Variants in VEGFD observed in about 807,000 individuals in gnomAD.
VEGFD encodes the protein vascular endothelial growth factor D, also known as c-fos induced growth factor (vascular endothelial growth factor D).
In VEGFD, 26 loss-of-function variants were observed where a neutral mutation model predicts 28.0. That is an observed-to-expected ratio of 0.93 (90% CI 0.68 to 1.29). The LOEUF is 1.29. VEGFD is among the 50% of genes most tolerant of loss of function. The pLI is 0.00. For synonymous variants in VEGFD, 93 were observed against 95.5 expected, an observed-to-expected ratio of 0.97 and a Z score of 0.15; for missense variants, 294 against 273.4, an observed-to-expected ratio of 1.08 and a Z score of -0.53.
intron 1 of VEGFD, among the ~76,000 whole-genome samples, chrX:15,381,122 G>C (rs1207071143): frequency 1.8e-5 from 2 of 112,010 alleles, no homozygotes; most frequent in African/African-American, 3.2e-5. Context: ...CAGTTCACAT[G>C]TTCCATGCAC....
chrX:15,361,620 G>A (rs1178087482), intron 2 of VEGFD, among the ~76,000 whole-genome samples: 3 of 111,525 alleles, frequency 2.7e-5, no homozygotes, highest in Non-Finnish European at 5.6e-5. Context: ...AAATAGTTTT[G>A]GCCTAGTGGT....
intron 1 of VEGFD, among the ~76,000 whole-genome samples, chrX:15,375,033 T>C (rs963379557): frequency 9.0e-6 from 1 of 111,404 alleles, no homozygotes; most frequent in African/African-American, 3.3e-5. Flanking sequence ...CTTAGGTGTG[T>C]CCTATGTGTT....
At chrX:15,350,921 G>A (rs1210512447) in intron 5 of VEGFD, among the ~76,000 whole-genome samples, 1 of 103,598 alleles carries the variant, frequency 9.7e-6, no homozygotes, top group Non-Finnish European at 2.0e-5. Flanking sequence ...GAGTGCGGTG[G>A]CATGACCTCG....
intron 1 of VEGFD, among the ~76,000 whole-genome samples, chrX:15,367,615 T>C (rs1471845422): frequency 9.0e-6 from 1 of 111,331 alleles, no homozygotes; most frequent in African/African-American, 3.3e-5. Context: ...AGTTGAAGCA[T>C]ATTGAAAGGA....
At chrX:15,362,382 TA>T (rs1223573850) in intron 2 of VEGFD, among the ~76,000 whole-genome samples, 11 of 104,652 alleles carry the variant, frequency 1.1e-4, no homozygotes, top group South Asian at 4.1e-4. Flanking sequence ...TTTGCAGAAA[TA>T]AAAAAAAAAG....
chrX:15,378,614 T>C (rs780517690), intron 1 of VEGFD, among the ~76,000 whole-genome samples: 3 of 111,713 alleles, frequency 2.7e-5, no homozygotes, highest in East Asian at 5.6e-4. Context: ...AATAAATGTA[T>C]ACACAGGCAA....
At chrX:15,364,344 T>C (rs1023639711) in intron 1 of VEGFD, among the ~76,000 whole-genome samples, 1 of 111,689 alleles carries the variant, frequency 9.0e-6, no homozygotes, top group Non-Finnish European at 1.9e-5. Context: ...TTGCATGAAC[T>C]GTATTGGCGG....
In VEGFD at chrX:15,376,828, G is replaced by GT. The variant is rs761647697; in HGVS notation, c.90+7028dup. 4.2e-4 allele frequency among the ~76,000 whole-genome samples: 47 copies of GT among 110,858 alleles called. No individual in the cohort carries two copies. In the South Asian group the frequency reaches 0.012, roughly 29 times the overall value. ...TTTTTGTGAGTTTCTTATTTAGGGTGTTTTTTTTAGCATATTCATTCAATC... is the reference window on the plus strand; with the variant it reads ...TTTTTGTGAGTTTCTTATTTAGGGTGTTTTTTTTTAGCATATTCATTCAATC... On this transcript the variant is annotated intron_variant, in intron 1 of 6. Coordinates refer to ENST00000297904, the MANE Select transcript of VEGFD (RefSeq NM_004469.5).
At chrX:15,377,730 G>A (rs1240692624) in intron 1 of VEGFD, among the ~76,000 whole-genome samples, 1 of 111,619 alleles carries the variant, frequency 9.0e-6, no homozygotes, top group East Asian at 2.8e-4. Context: ...GAAGTAATAT[G>A]TGTCACTTCT....
intron 1 of VEGFD, among the ~76,000 whole-genome samples, chrX:15,372,891 C>T (rs896778531): frequency 1.8e-5 from 2 of 111,636 alleles, no homozygotes; most frequent in African/African-American, 6.5e-5. Flanking sequence ...AGATACCTGA[C>T]CATTTGCAGG....
At chrX:15,357,898 G>A (rs1922905960) in intron 3 of VEGFD, 105 bp downstream of exon 3, 1 of 663,271 alleles carries the variant, frequency 1.5e-6, no homozygotes, top group Non-Finnish European at 2.3e-6. Flanking sequence ...ATGCGATTAT[G>A]CACATAAAGC....
chrX:15,380,756 G>C (rs1923550409), intron 1 of VEGFD, among the ~76,000 whole-genome samples: 1 of 112,748 alleles, frequency 8.9e-6, no homozygotes, highest in African/African-American at 3.2e-5. Context: ...AATGAGAGAA[G>C]AGTGAGGATG....
intron 2 of VEGFD, among the ~76,000 whole-genome samples, chrX:15,362,339 T>C (rs1242026257): frequency 1.8e-5 from 2 of 111,800 alleles, no homozygotes; most frequent in African/African-American, 3.2e-5. Context: ...TGTCTAACTT[T>C]TACTTTTCAC....
rs925926209 is a variant in VEGFD, at chrX:15,346,063, A to G, written c.*70T>C. On this transcript the variant is annotated 3_prime_UTR_variant, in exon 7 of 7. Coordinates refer to ENST00000297904, the MANE Select transcript of VEGFD (RefSeq NM_004469.5). ...TTTTTTTTTAACACCTGGGAAAAAA[A>G]CAGTGACAGCAACTTGGCAAAGCAG... The G allele has an allele frequency of 1.8e-5, 21 of 1,144,100 alleles. No homozygotes were observed. The African/African-American group carries it at 2.4e-4, about 13-fold the overall frequency. The allele number at this position is 1,144,100 out of a possible 1,213,427, so 94.3% of individuals were successfully genotyped here.
At chrX:15,367,047 G>A (rs1049253823) in intron 1 of VEGFD, among the ~76,000 whole-genome samples, 2 of 111,997 alleles carry the variant, frequency 1.8e-5, no homozygotes, top group African/African-American at 3.3e-5. Context: ...TTATAAGCTG[G>A]GGGAAAGAGG....
Position 15,358,190 on chromosome X carries a change from A to C in VEGFD, c.305T>G (p.Ile102Arg), listed in dbSNP as rs762943087. ...TFYDIETLKV[I>R]DEEWQRTQCS... ...CTGAGTTCTTTGCCATTCTTCATCTATAACTGCAGAGAGAAAGAAAGCTCA... is the reference window on the plus strand; with the variant it reads ...CTGAGTTCTTTGCCATTCTTCATCTCTAACTGCAGAGAGAAAGAAAGCTCA... Residue 102 changes from isoleucine to arginine, a missense_variant, in exon 3 of 7, where the codon ATA becomes AGA. Ile to Arg is a moderately conservative substitution (Grantham distance 97). Transcript: ENST00000297904. 1 of 1,202,943 alleles carries C rather than the reference A, an allele frequency of 8.3e-7. No individual in the cohort carries two copies. Among genetic ancestry groups the C allele is most frequent in the Non-Finnish European group, 1.1e-6 (1 of 891,150 alleles).
chrX:15,363,784 G>T (rs922003710), intron 1 of VEGFD, among the ~76,000 whole-genome samples: 1 of 112,020 alleles, frequency 8.9e-6, no homozygotes, highest in Non-Finnish European at 1.9e-5. Flanking sequence ...ACAGAGGAAG[G>T]TCATTTGAAG....
chrX:15,374,081 G>C (rs1923377367), intron 1 of VEGFD, among the ~76,000 whole-genome samples: 1 of 111,881 alleles, frequency 8.9e-6, no homozygotes, highest in Non-Finnish European at 1.9e-5. Flanking sequence ...CTGTCGTCTG[G>C]AGAAACAGCT....
chrX:15,383,817 T>C, intron 1 of VEGFD, 40 bp downstream of exon 1: 1 of 1,051,386 alleles, frequency 9.5e-7, no homozygotes, highest in African/African-American at 1.8e-5. Flanking sequence ...TATGAGCCAA[T>C]AAAAAGAACT....
Sources: gnomAD v4.1 joint callset for allele counts (sites outside exome capture counted in the v4.1 genomes callset) on GRCh38, gnomAD v4.1.1 for gene constraint, MANE v1.5 for transcripts, NCBI Gene and HGNC (gene_info 2026-07-23, HGNC 2026-07-21) for gene names.